Variants in WWOX observed in about 807,000 individuals in gnomAD.
WWOX encodes WW domain-containing oxidoreductase.
A neutral mutation model predicts 46.2 loss-of-function variants in WWOX; 69 were observed. The observed-to-expected ratio is 1.49, with a 90% CI of 1.23 to 1.82. The LOEUF (loss-of-function observed/expected upper bound fraction) is 1.82. Ranked by LOEUF, WWOX falls within the 40% of genes most tolerant of loss-of-function variation. WWOX has a pLI of 0.00. For missense variants in WWOX, 919 were observed against 542.6 expected (o/e 1.69, Z -6.89); for synonymous variants, 359 against 202.6 (o/e 1.77, Z -6.56).
intron 4 of WWOX, among the ~76,000 whole-genome samples, chr16:78,119,597 C>T (rs1260753771): frequency 6.6e-6 from 1 of 151,750 alleles, no homozygotes; most frequent in East Asian, 1.9e-4. Flanking sequence ...TACGGAGTGA[C>T]ATCCAGGGTT....
chr16:78,386,680 C>G (rs1263036297), intron 5 of WWOX, among the ~76,000 whole-genome samples, 180 bp from the exon 6 acceptor site: 1 of 144,908 alleles, frequency 6.9e-6, no homozygotes, highest in African/African-American at 2.7e-5. Flanking sequence ...CTCACATCCT[C>G]CCCGAACTTG....
chr16:78,613,775 T>A (rs981208046), intron 8 of WWOX, among the ~76,000 whole-genome samples: 3 of 152,158 alleles, frequency 2.0e-5, no homozygotes, highest in Non-Finnish European at 4.4e-5. Flanking sequence ...CAACCCCTTA[T>A]CAGAAACTTT....
chr16:78,732,613 C>T (rs1377107560), intron 8 of WWOX, among the ~76,000 whole-genome samples: 1 of 152,126 alleles, frequency 6.6e-6, no homozygotes, highest in Non-Finnish European at 1.5e-5. Flanking sequence ...ATGCTCTAAT[C>T]AATAATCTTA....
At chr16:78,972,781 G>A (rs540928700) in intron 8 of WWOX, among the ~76,000 whole-genome samples, 39 of 152,194 alleles carry the variant, frequency 2.6e-4, no homozygotes, top group Non-Finnish European at 5.0e-4. Flanking sequence ...GTGATTCAGT[G>A]GAAACATAAA....
intron 4 of WWOX, among the ~76,000 whole-genome samples, chr16:78,117,518 T>A (rs1288614794): frequency 6.6e-6 from 1 of 152,150 alleles, no homozygotes; most frequent in East Asian, 1.9e-4. Flanking sequence ...AGCAGTGGTA[T>A]CAGGTCTGAA....
chr16:79,159,790 A>G (rs1262092269), intron 8 of WWOX, among the ~76,000 whole-genome samples: 1 of 152,184 alleles, frequency 6.6e-6, no homozygotes, highest in Non-Finnish European at 1.5e-5. Flanking sequence ...AATTCTCCTC[A>G]TGCTAGGTGA....
chr16:79,211,198 G>A (rs1014891616), intron 8 of WWOX, among the ~76,000 whole-genome samples: 2 of 152,188 alleles, frequency 1.3e-5, no homozygotes, highest in African/African-American at 4.8e-5. Context: ...TTGTCAGACA[G>A]AAGGTTCTAC....
chr16:78,141,403 C>T (rs1443306440), intron 4 of WWOX, among the ~76,000 whole-genome samples: 1 of 149,280 alleles, frequency 6.7e-6, no homozygotes, highest in East Asian at 2.0e-4. Flanking sequence ...TTCTAGACCA[C>T]TGGATGTCAA....
intron 5 of WWOX, among the ~76,000 whole-genome samples, chr16:78,263,604 A>T (rs144679036): frequency 6.6e-5 from 10 of 151,886 alleles, no homozygotes; most frequent in Non-Finnish European, 1.3e-4. Flanking sequence ...AGACTTTGTG[A>T]TGGGGCTGTC....
intron 5 of WWOX, among the ~76,000 whole-genome samples, chr16:78,356,935 C>T (rs542086712): frequency 6.6e-6 from 1 of 152,216 alleles, no homozygotes; most frequent in African/African-American, 2.4e-5. Flanking sequence ...GAGATCTTCA[C>T]CCAATCAAGG....
At chr16:79,119,930 G>C (rs1440431177) in intron 8 of WWOX, among the ~76,000 whole-genome samples, 1 of 152,100 alleles carries the variant, frequency 6.6e-6, no homozygotes, top group African/African-American at 2.4e-5. Context: ...ACTGCCTTAT[G>C]TACAGAAATG....
At chr16:78,682,520 C>T (rs995323226) in intron 8 of WWOX, among the ~76,000 whole-genome samples, 1 of 152,084 alleles carries the variant, frequency 6.6e-6, no homozygotes, top group Non-Finnish European at 1.5e-5. Context: ...GAGTTGGAGG[C>T]TGCAACGACT....
rs914190913 is a variant in WWOX at position 78,366,460 on chromosome 16, C to T, written c.517-20400C>T. ...AAGGAATGGCATGACATTCTCCTTT[C>T]TTCTCCTGCATTCATTGGAACCTGA... On this transcript the variant is annotated intron_variant, in intron 5 of 8. Transcript: ENST00000566780. 3.9e-5 allele frequency among the ~76,000 whole-genome samples: 6 copies of T among 152,168 alleles called. 1 individual carries two copies.
intron 8 of WWOX, among the ~76,000 whole-genome samples, chr16:79,003,894 T>A (rs1353219987): frequency 1.3e-5 from 2 of 152,138 alleles, no homozygotes; most frequent in African/African-American, 4.8e-5. Flanking sequence ...CACCTCTCGA[T>A]GAGAGGAGAA....
At chr16:78,703,216 TTTCTC>T (rs1042524836) in intron 8 of WWOX, among the ~76,000 whole-genome samples, 73 of 152,206 alleles carry the variant, frequency 4.8e-4, no homozygotes, top group African/African-American at 1.7e-3. Context: ...GTCTGTCTCT[TTTCTC>T]TGTGTGTCAT....
At chr16:78,917,841 C>T (rs963978718) in intron 8 of WWOX, among the ~76,000 whole-genome samples, 1 of 152,062 alleles carries the variant, frequency 6.6e-6, no homozygotes, top group Non-Finnish European at 1.5e-5. Flanking sequence ...ACAAGGAATA[C>T]ATCTAGATCA....
chr16:78,101,055 T>TG (rs2031743576), intron 1 of WWOX, among the ~76,000 whole-genome samples: 2 of 151,942 alleles, frequency 1.3e-5, no homozygotes, highest in Non-Finnish European at 2.9e-5. Flanking sequence ...TTTCTTTTTT[T>TG]TTTTTCTTTT....
At chr16:78,397,203 A>G (rs2082307132) in intron 6 of WWOX, among the ~76,000 whole-genome samples, 1 of 152,218 alleles carries the variant, frequency 6.6e-6, no homozygotes, top group Non-Finnish European at 1.5e-5. Context: ...ATTACCATAT[A>G]GGGAAGCAGG....
intron 8 of WWOX, among the ~76,000 whole-genome samples, chr16:78,488,285 G>C (rs1156693916): frequency 6.6e-6 from 1 of 152,154 alleles, no homozygotes; most frequent in Admixed American, 6.5e-5. Flanking sequence ...ATTATTCTGT[G>C]AGTCTTCCAA....
Sources: allele counts gnomAD v4.1 joint callset (sites outside exome capture counted in the v4.1 genomes callset), GRCh38; gene constraint gnomAD v4.1.1; transcripts MANE v1.5; gene names NCBI Gene and HGNC (gene_info 2026-07-23, HGNC 2026-07-21).